Variants in DNAH11 observed in about 807,000 individuals in gnomAD.
The protein encoded by DNAH11 is axonemal beta dynein heavy chain 11.
In DNAH11, 442 loss-of-function variants were observed where a neutral mutation model predicts 526.0. The ratio of observed to expected loss-of-function variants is 0.84; its 90% CI spans 0.78 to 0.91. DNAH11 has a LOEUF of 0.91. DNAH11 is among the 40% of genes least tolerant of loss of function. The probability of loss-of-function intolerance (pLI) is 0.00; values close to 1 mark genes in which losing one functional copy is unlikely to be tolerated. For synonymous variants in DNAH11, 2,461 were observed against 1,935.9 expected, an observed-to-expected ratio of 1.27 and a Z score of -7.12; for missense variants, 6,989 against 5,448.7, an observed-to-expected ratio of 1.28 and a Z score of -8.90.
intron 54 of DNAH11, among the ~76,000 whole-genome samples, chr7:21,759,685 G>GA (rs143925539): frequency 0.085 from 12,948 of 151,700 alleles, 909 homozygotes; most frequent in African/African-American, 0.19. Context: ...ATATCAACTG[G>GA]AAAAAAAATA....
At position 21,901,403 on chromosome 7, in the gene DNAH11, A is replaced by AAAAAAATACTAGAAACTAACTC; in HGVS notation, c.*151_*172dup. ...ACGCTATCCTTAGAGTGAAAGTCAG[A>AAAAAAATACTAGAAACTAACTC]AAAAAATACTAGAAACTAACTCAGG... On this transcript the variant is annotated 3_prime_UTR_variant, in exon 82 of 82. Coordinates refer to ENST00000409508, the MANE Select transcript of DNAH11 (RefSeq NM_001277115.2). The AAAAAAATACTAGAAACTAACTC allele has an allele frequency of 1.7e-6, 2 of 1,145,996 alleles. No homozygotes were observed. Among genetic ancestry groups the AAAAAAATACTAGAAACTAACTC allele is most frequent in the African/African-American group, 1.6e-5 (1 of 62,506 alleles). 71.0% of individuals were successfully genotyped at this position (1,145,996 alleles called of 1,614,324 possible). A position where few individuals can be genotyped will look rare whatever the true frequency, so the allele number is the denominator to read the frequency against.
intron 73 of DNAH11, among the ~76,000 whole-genome samples, chr7:21,870,053 T>A (rs1416667102): frequency 6.6e-6 from 1 of 152,204 alleles, no homozygotes; most frequent in African/African-American, 2.4e-5. Context: ...GGCTGCCTTA[T>A]CTGGAATCAT....
intron 4 of DNAH11, among the ~76,000 whole-genome samples, chr7:21,560,232 G>A (rs1783398770): frequency 6.6e-6 from 1 of 152,014 alleles, no homozygotes. Flanking sequence ...CATGTCTTTT[G>A]GAGATTTTCT....
At chr7:21,660,942 T>A (rs1782218691) in intron 30 of DNAH11, among the ~76,000 whole-genome samples, 1 of 152,148 alleles carries the variant, frequency 6.6e-6, no homozygotes, top group African/African-American at 2.4e-5. Context: ...TTTCTTTATA[T>A]GGATATACCA....
At chr7:21,870,720 T>C (rs1207188115) in intron 73 of DNAH11, among the ~76,000 whole-genome samples, 1 of 152,252 alleles carries the variant, frequency 6.6e-6, no homozygotes, top group African/African-American at 2.4e-5. Context: ...GTTGTAAATT[T>C]TAACATAAAA....
chr7:21,827,247 T>G (rs183690957), intron 65 of DNAH11, among the ~76,000 whole-genome samples: 184 of 152,320 alleles, frequency 1.2e-3, no homozygotes, highest in African/African-American at 4.1e-3. Flanking sequence ...AATCCTAATT[T>G]TAAATAAAAC....
intron 28 of DNAH11, among the ~76,000 whole-genome samples, chr7:21,645,733 A>ATATCTAAAAATCAGATATCTAAATCAGG (rs1787326851): frequency 6.6e-6 from 1 of 152,198 alleles, no homozygotes; most frequent in African/African-American, 2.4e-5. Context: ...TCTAAATCAG[A>ATATCTAAAAATCAGATATCTAAATCAGG]TATCTAAAAA....
At chr7:21,825,357 C>G (rs949131355) in intron 65 of DNAH11, among the ~76,000 whole-genome samples, 1 of 152,186 alleles carries the variant, frequency 6.6e-6, no homozygotes, top group Non-Finnish European at 1.5e-5. Flanking sequence ...GTACACATAG[C>G]AAGATTCTTC....
At chr7:21,710,885 G>T (rs922834083) in intron 41 of DNAH11, among the ~76,000 whole-genome samples, 182 bp downstream of exon 41, 13 of 152,106 alleles carry the variant, frequency 8.5e-5, no homozygotes, top group Non-Finnish European at 1.9e-4. Flanking sequence ...AGAATTTCAA[G>T]GAATATGTTC....
chr7:21,574,265 A>T (rs563355874), intron 8 of DNAH11, among the ~76,000 whole-genome samples: 1 of 152,290 alleles, frequency 6.6e-6, no homozygotes, highest in East Asian at 1.9e-4. Context: ...CTAAGCAAAG[A>T]TGGTAGCTAT....
intron 22 of DNAH11, 89 bp downstream of exon 22, chr7:21,616,381 G>A: frequency 9.8e-7 from 1 of 1,025,270 alleles, no homozygotes; most frequent in Non-Finnish European, 1.4e-6. Context: ...GGTGTATTGG[G>A]CTGCATGTAC....
chr7:21,844,696 A>T (rs1782347043), intron 66 of DNAH11, among the ~76,000 whole-genome samples: 1 of 152,138 alleles, frequency 6.6e-6, no homozygotes, highest in Non-Finnish European at 1.5e-5. Context: ...ATCTGGCCAC[A>T]CCCCAGATCC....
chr7:21,877,611 C>T, intron 74 of DNAH11, among the ~76,000 whole-genome samples: 1 of 151,752 alleles, frequency 6.6e-6, no homozygotes. Context: ...CACGGTGGCT[C>T]ACGCCTGTAA....
chr7:21,620,142 A>G (rs1785975828), intron 25 of DNAH11, 64 bp downstream of exon 25: 2 of 1,299,032 alleles, frequency 1.5e-6, no homozygotes, highest in South Asian at 3.2e-5. Flanking sequence ...ATAATTGTAT[A>G]TATAGGGTAC....
At chr7:21,682,724 C>T (rs772505556) in intron 31 of DNAH11, among the ~76,000 whole-genome samples, 5 of 151,904 alleles carry the variant, frequency 3.3e-5, no homozygotes, top group African/African-American at 1.2e-4. Context: ...AATGCCTGTA[C>T]GTATTGTGAA....
intron 25 of DNAH11, among the ~76,000 whole-genome samples, chr7:21,632,496 G>A (rs982003439): frequency 2.0e-5 from 3 of 152,050 alleles, no homozygotes; most frequent in Non-Finnish European, 4.4e-5. Flanking sequence ...GTCACCTCTC[G>A]AATGCTTTGT....
At chr7:21,571,203 G>A (rs149127971) in intron 7 of DNAH11, among the ~76,000 whole-genome samples, 19 of 152,270 alleles carry the variant, frequency 1.2e-4, no homozygotes, top group South Asian at 2.1e-4. Flanking sequence ...TCTGACTTAC[G>A]TTTAGGAAGA....
chr7:21,741,536 C>G (rs921033633), intron 48 of DNAH11, among the ~76,000 whole-genome samples: 2 of 152,182 alleles, frequency 1.3e-5, no homozygotes, highest in African/African-American at 4.8e-5. Flanking sequence ...AGACTGAGCT[C>G]AGTGACTGCT....
chr7:21,564,158 C>G (rs370125815), intron 5 of DNAH11, 28 bp from the exon 6 acceptor site: 23 of 1,398,452 alleles, frequency 1.6e-5, no homozygotes, highest in Non-Finnish European at 1.9e-5. Flanking sequence ...AAACCAGAAT[C>G]ACGTTAATGG....
Sources: gnomAD v4.1 joint callset for allele counts (sites outside exome capture counted in the v4.1 genomes callset) on GRCh38, gnomAD v4.1.1 for gene constraint, MANE v1.5 for transcripts, NCBI Gene and HGNC (gene_info 2026-07-23, HGNC 2026-07-21) for gene names.